The following CHCHD6 variants were observed in gnomAD, a reference collection of about 807,000 sequenced individuals.
CHCHD6 encodes coiled-coil-helix-coiled-coil-helix domain containing 6, also known as MICOS complex subunit MIC25.
CHCHD6 carries 28 observed loss-of-function variants against 32.3 expected under a neutral mutation model. The observed-to-expected ratio is 0.87, with a 90% CI of 0.64 to 1.19. The LOEUF (loss-of-function observed/expected upper bound fraction) is 1.19. Among genes scored for constraint, CHCHD6 ranks in the 50% most tolerant of loss-of-function variants. The pLI is 0.00. For synonymous variants in CHCHD6, 122 were observed against 117.5 expected (o/e 1.04, Z -0.25); for missense variants, 333 against 307.0 (o/e 1.08, Z -0.63).
At chr3:126,894,791 T>G (rs1383517541) in intron 5 of CHCHD6, among the ~76,000 whole-genome samples, 1 of 152,180 alleles carries the variant, frequency 6.6e-6, no homozygotes, top group African/African-American at 2.4e-5. Flanking sequence ...GCACTGCAGT[T>G]GTCCTTCCAG....
intron 4 of CHCHD6, among the ~76,000 whole-genome samples, chr3:126,789,775 T>A (rs947745041): frequency 2.6e-5 from 4 of 152,228 alleles, no homozygotes; most frequent in Non-Finnish European, 4.4e-5. Flanking sequence ...TGACTCTTTA[T>A]CCAATTTGCC....
chr3:126,775,939 A>T (rs887482185), intron 4 of CHCHD6, among the ~76,000 whole-genome samples: 1 of 152,216 alleles, frequency 6.6e-6, no homozygotes, highest in South Asian at 2.1e-4. Flanking sequence ...AGAGACTTTC[A>T]TGGAGCCACA....
chr3:126,929,358 A>G (rs2078370127), intron 6 of CHCHD6, among the ~76,000 whole-genome samples: 1 of 152,094 alleles, frequency 6.6e-6, no homozygotes, highest in Admixed American at 6.5e-5. Flanking sequence ...TGAACTCACC[A>G]TGTTGTCTGC....
At chr3:126,721,730 C>T (rs1189580964) in intron 1 of CHCHD6, among the ~76,000 whole-genome samples, 1 of 106,150 alleles carries the variant, frequency 9.4e-6, no homozygotes, top group Non-Finnish European at 1.7e-5. Flanking sequence ...CCCACCAAAT[C>T]CTACTTACCC....
At chr3:126,945,072 G>A (rs758398797) in intron 6 of CHCHD6, among the ~76,000 whole-genome samples, 2 of 152,166 alleles carry the variant, frequency 1.3e-5, no homozygotes, top group African/African-American at 4.8e-5. Flanking sequence ...AGGTCTTTAC[G>A]GGGGCGTTTT....
intron 4 of CHCHD6, among the ~76,000 whole-genome samples, chr3:126,739,051 G>A (rs2107662480): frequency 6.6e-6 from 1 of 152,316 alleles, no homozygotes; most frequent in Middle Eastern, 3.4e-3. Flanking sequence ...GGAGACTCTG[G>A]TGGCCTTGTC....
chr3:126,757,232 C>G (rs1936986468), intron 4 of CHCHD6, among the ~76,000 whole-genome samples: 1 of 152,046 alleles, frequency 6.6e-6, no homozygotes. Context: ...GATGTTCAAC[C>G]TAAGTATAGT....
chr3:126,830,055 A>G (rs1940572009), intron 4 of CHCHD6, among the ~76,000 whole-genome samples: 1 of 152,298 alleles, frequency 6.6e-6, no homozygotes, highest in South Asian at 2.1e-4. Flanking sequence ...CCGAGATCGC[A>G]CCACTGCACT....
intron 6 of CHCHD6, among the ~76,000 whole-genome samples, chr3:126,956,693 G>A (rs912110710): frequency 2.0e-5 from 3 of 151,372 alleles, no homozygotes; most frequent in Admixed American, 6.6e-5. Flanking sequence ...ACTGACTTTA[G>A]TTTATCTATA....
At chr3:126,844,850 C>T (rs1346747328) in intron 4 of CHCHD6, among the ~76,000 whole-genome samples, 3 of 152,030 alleles carry the variant, frequency 2.0e-5, no homozygotes, top group Admixed American at 1.3e-4. Flanking sequence ...AGGGGGAAGG[C>T]AGGAGAGACA....
chr3:126,924,027 C>G (rs2078289781), intron 6 of CHCHD6, among the ~76,000 whole-genome samples: 1 of 152,154 alleles, frequency 6.6e-6, no homozygotes, highest in Non-Finnish European at 1.5e-5. Context: ...GCACTGCAGC[C>G]CTGATTCTGA....
intron 4 of CHCHD6, among the ~76,000 whole-genome samples, chr3:126,824,650 G>A (rs925846925): frequency 3.3e-5 from 5 of 149,496 alleles, no homozygotes; most frequent in South Asian, 2.1e-4. Context: ...GAAATGGCAC[G>A]ATCTCGGCTC....
At chr3:126,771,842 T>G (rs1180748053) in intron 4 of CHCHD6, among the ~76,000 whole-genome samples, 1 of 152,224 alleles carries the variant, frequency 6.6e-6, no homozygotes, top group East Asian at 1.9e-4. Flanking sequence ...TGTATCTTTG[T>G]TCTCATTAGT....
chr3:126,955,194 C>A (rs916877107), intron 6 of CHCHD6, among the ~76,000 whole-genome samples: 1 of 152,268 alleles, frequency 6.6e-6, no homozygotes, highest in South Asian at 2.1e-4. Context: ...AGATGTGGAG[C>A]CGTGCTTAAG....
chr3:126,945,639 T>G (rs1576635769), intron 6 of CHCHD6, among the ~76,000 whole-genome samples: 1 of 93,026 alleles, frequency 1.1e-5, no homozygotes. Flanking sequence ...GAGACTCAAG[T>G]CGGGAGACTC....
At chr3:126,908,762 A>G (rs2078041234) in intron 5 of CHCHD6, among the ~76,000 whole-genome samples, 1 of 152,166 alleles carries the variant, frequency 6.6e-6, no homozygotes, top group South Asian at 2.1e-4. Flanking sequence ...CAGGTATTGA[A>G]TATTTACTCT....
intron 5 of CHCHD6, among the ~76,000 whole-genome samples, chr3:126,862,405 A>C (rs1176665813): frequency 1.6e-5 from 1 of 63,498 alleles, no homozygotes; most frequent in African/African-American, 6.6e-5. Context: ...TACCATCACC[A>C]CCTCCTCCTC....
intron 5 of CHCHD6, among the ~76,000 whole-genome samples, chr3:126,876,876 TA>T (rs1277721409): frequency 6.6e-6 from 1 of 151,992 alleles, no homozygotes; most frequent in African/African-American, 2.4e-5. Context: ...CATAATATGA[TA>T]AGAGAGAAAG....
intron 4 of CHCHD6, among the ~76,000 whole-genome samples, chr3:126,746,599 C>G (rs1936512780): frequency 6.6e-6 from 1 of 152,170 alleles, no homozygotes; most frequent in Non-Finnish European, 1.5e-5. Flanking sequence ...CTCTAGCTGA[C>G]TGGTTGGACA....
Sources: gnomAD v4.1 joint callset for allele counts (sites outside exome capture counted in the v4.1 genomes callset) on GRCh38, gnomAD v4.1.1 for gene constraint, MANE v1.5 for transcripts, NCBI Gene and HGNC (gene_info 2026-07-23, HGNC 2026-07-21) for gene names.